The following HDLBP variants were observed in gnomAD, a reference collection of about 807,000 sequenced individuals.
HDLBP encodes the protein high density lipoprotein binding protein.
Under a neutral mutation model 137.3 loss-of-function variants are expected in HDLBP, and 30 were observed. The ratio of observed to expected loss-of-function variants is 0.22; its 90% CI spans 0.16 to 0.30. The LOEUF is 0.30. HDLBP is among the 10% of genes least tolerant of loss of function. The pLI, the probability that HDLBP is intolerant of heterozygous loss-of-function variation, is 1.00. For missense variants in HDLBP, 1,119 were observed against 1,667.3 expected (o/e 0.67, Z 5.73); for synonymous variants, 606 against 596.0 (o/e 1.02, Z -0.24).
chr2:241,260,907 T>C lies in HDLBP; in HGVS notation c.450+1804A>G, dbSNP rs148154646. On this transcript the variant is annotated intron_variant, in intron 5 of 27. Coordinates refer to ENST00000310931, the MANE Select transcript of HDLBP (RefSeq NM_005336.6). ...TCAATGGCATTAAAAAAGGGGAGGA[T>C]TGGCTGGGCGTGGTGGCTCACACCT... Among the ~76,000 whole-genome samples the C allele has an allele frequency of 5.8e-3, 874 of 151,906 alleles. 16 individuals carry two copies. The highest frequency in any genetic ancestry group is 0.02 in the African/African-American group (812 of 41,432).
At chr2:241,248,678 C>A (rs556535182) in intron 12 of HDLBP, among the ~76,000 whole-genome samples, 12 of 152,282 alleles carry the variant, frequency 7.9e-5, no homozygotes, top group Non-Finnish European at 1.6e-4. Flanking sequence ...ATTCAGTGAG[C>A]ACTTCTGTTT....
At chr2:241,285,592 T>G (rs76602291) in intron 1 of HDLBP, among the ~76,000 whole-genome samples, 2,641 of 152,344 alleles carry the variant, frequency 0.017, 53 homozygotes, top group African/African-American at 0.047. Flanking sequence ...TCAGTTTTAC[T>G]TGCTCTCAAA....
At position 241,230,370 on chromosome 2, in the gene HDLBP, GT is replaced by G. The variant is rs1254781797; in HGVS notation, c.3475-102del. 8 of 793,904 alleles carry G rather than the reference GT, an allele frequency of 1.0e-5. No individual in the cohort carries two copies. The highest frequency in any genetic ancestry group is 1.7e-5 in the African/African-American group (1 of 58,086). The allele number at this position is 793,904 out of a possible 1,614,324, so 49.2% of individuals were successfully genotyped here. ...TGAAGCATTTTCTGAGTTAGCAAAC[GT>G]TTTAAAATCTGGTTTCAGAGTTGTT... On this transcript the variant is annotated intron_variant, in intron 25 of 27. Transcript: ENST00000310931. This position sits in a 1 kb window ranked among gnomAD's most constrained non-coding sequence, Gnocchi z 5.0.
intron 3 of HDLBP, chr2:241,266,440 A>C (rs1559524502): frequency 7.6e-6 from 2 of 261,946 alleles, no homozygotes; most frequent in Non-Finnish European, 1.5e-5. Context: ...TTCATCCTCA[A>C]GGCAGGCTTA....
At position 241,256,174 on chromosome 2, in the gene HDLBP, A is replaced by C; in HGVS notation, c.873+10T>G. 3 of 1,612,400 alleles carry C rather than the reference A, an allele frequency of 1.9e-6. No individual in the cohort carries two copies. The highest frequency in any genetic ancestry group is 2.5e-6 in the Non-Finnish European group (3 of 1,178,476). On this transcript the variant is annotated intron_variant, in intron 7 of 27. Coordinates refer to ENST00000310931, the MANE Select transcript of HDLBP (RefSeq NM_005336.6). ...TGCCCATGGGGATTTGCCTCCTCTA[A>C]ATCGTGTACCTTCTCCTCATAAATC...
intron 1 of HDLBP, among the ~76,000 whole-genome samples, chr2:241,305,886 G>T (rs1023966233): frequency 6.7e-6 from 1 of 148,352 alleles, no homozygotes; most frequent in African/African-American, 2.5e-5. Context: ...TCAGCCTCCC[G>T]AGTAGCTGGG....
intron 14 of HDLBP, 78 bp downstream of exon 14, chr2:241,247,925 G>T: frequency 1.0e-6 from 1 of 962,980 alleles, no homozygotes; most frequent in Non-Finnish European, 1.7e-6. Flanking sequence ...GTCCTGTGGG[G>T]GTCAGGACTT....
chr2:241,281,917 C>T (rs1367281404), intron 1 of HDLBP, among the ~76,000 whole-genome samples: 1 of 152,114 alleles, frequency 6.6e-6, no homozygotes, highest in African/African-American at 2.4e-5. Context: ...TCTGTATTTT[C>T]AAACCAAAGC....
chr2:241,256,060 AC>A, intron 7 of HDLBP, 123 bp downstream of exon 7: 1 of 789,276 alleles, frequency 1.3e-6, no homozygotes, highest in Non-Finnish European at 2.1e-6. Flanking sequence ...AAGTGTAGAG[AC>A]AATAAGCATC....
chr2:241,247,203 C>T, intron 14 of HDLBP, 61 bp from the exon 15 acceptor site: 4 of 1,034,390 alleles, frequency 3.9e-6, no homozygotes, highest in South Asian at 3.8e-5. Context: ...ATACAGTATC[C>T]CTTCTACCCC....
chr2:241,256,145 T>C, intron 7 of HDLBP, 39 bp downstream of exon 7: 3 of 1,541,806 alleles, frequency 1.9e-6, no homozygotes, highest in South Asian at 1.1e-5. Flanking sequence ...CTCATTTCTA[T>C]TCCTGCCCAT....
intron 1 of HDLBP, among the ~76,000 whole-genome samples, chr2:241,283,740 C>T (rs1057200912): frequency 6.6e-6 from 1 of 152,178 alleles, no homozygotes; most frequent in African/African-American, 2.4e-5. Flanking sequence ...TCCCGAAGTG[C>T]TGGGATTACA....
At chr2:241,273,685 G>T in intron 1 of HDLBP, 1 of 984,860 alleles carries the variant, frequency 1.0e-6, no homozygotes, top group East Asian at 1.1e-4. Flanking sequence ...TCAACTACAG[G>T]TATCTGGGGA....
At chr2:241,273,529 G>C in intron 1 of HDLBP, 1 of 909,102 alleles carries the variant, frequency 1.1e-6, no homozygotes, top group Non-Finnish European at 1.3e-6. Context: ...GGAAGGACTT[G>C]TCACTTCTGC....
chr2:241,278,491 G>A (rs182403806), intron 1 of HDLBP, among the ~76,000 whole-genome samples: 2 of 152,222 alleles, frequency 1.3e-5, no homozygotes, highest in South Asian at 2.1e-4. Flanking sequence ...GCTGAGGCAG[G>A]AGGATTGCTT....
At chr2:241,250,990 C>T (rs12472581) in intron 11 of HDLBP, 5,068 of 152,182 alleles carry the variant, frequency 0.033, 526 homozygotes, top group Admixed American at 0.19. Flanking sequence ...TGTTTTGAGA[C>T]AGGGTCTTGC....
In HDLBP at chr2:241,240,062, C is replaced by G. The variant is rs143103039; in HGVS notation, c.2230G>C (p.Gly744Arg). The G allele has an allele frequency of 2.5e-6, 4 of 1,614,176 alleles. No individual in the cohort carries two copies. Among genetic ancestry groups the G allele is most frequent in the South Asian group, 2.2e-5 (2 of 91,084 alleles). Residue 744 changes from glycine (G) to arginine (R), a missense_variant, in exon 18 of 28, where the codon GGC becomes CGC. Around this residue, in one of 4 missense-constraint regions of HDLBP, gnomAD observed 618 missense variants for 816.7 expected, o/e 0.76. Coordinates refer to ENST00000310931, the MANE Select transcript of HDLBP (RefSeq NM_005336.6). The surrounding 1 kb of genome is among the most constrained non-coding windows in gnomAD (Gnocchi z 5.5). ...TTGCGAATTTTGCCGCCCCCCTTGCCGATGAGGAATTTGTGGTATTCTGGC... is the reference window on the plus strand; with the variant it reads ...TTGCGAATTTTGCCGCCCCCCTTGCGGATGAGGAATTTGTGGTATTCTGGC... The part of the protein sequence containing the change: ...AKPEYHKFLI[G>R]KGGGKIRKVR...
At chr2:241,261,452 G>A (rs930770895) in intron 5 of HDLBP, among the ~76,000 whole-genome samples, 1 of 152,090 alleles carries the variant, frequency 6.6e-6, no homozygotes, top group African/African-American at 2.4e-5. Flanking sequence ...CATGAAAACG[G>A]GAAGATCTGA....
intron 1 of HDLBP, among the ~76,000 whole-genome samples, chr2:241,301,504 G>A (rs2075395293): frequency 6.6e-6 from 1 of 152,126 alleles, no homozygotes; most frequent in Non-Finnish European, 1.5e-5. Flanking sequence ...ATGATGCAGT[G>A]TATTTCATTT....
Sources: allele counts gnomAD v4.1 joint callset (sites outside exome capture counted in the v4.1 genomes callset), GRCh38; gene constraint gnomAD v4.1.1; regional missense constraint gnomAD v4.1.1; non-coding constraint Gnocchi (gnomAD v3.1); transcripts MANE v1.5; gene names NCBI Gene and HGNC (gene_info 2026-07-23, HGNC 2026-07-21).